Variants in NAV1 observed in about 807,000 individuals in gnomAD.
NAV1 encodes the protein neuron navigator 1, also known as pore membrane and/or filament interacting like protein 3.
NAV1 carries 18 observed loss-of-function variants against 175.2 expected under a neutral mutation model. The observed-to-expected ratio is 0.10, with a 90% CI of 0.07 to 0.15. The LOEUF is 0.15. Ranked by LOEUF, NAV1 falls within the 10% of genes least tolerant of loss-of-function variation. The pLI is 1.00. For missense variants in NAV1, 1,731 were observed against 2,436.6 expected (o/e 0.71, Z 6.10); for synonymous variants, 897 against 978.7 (o/e 0.92, Z 1.56).
At chr1:201,791,904 C>CA (rs1174616427) in intron 13 of NAV1, 2 of 152,116 alleles carry the variant, frequency 1.3e-5, no homozygotes, top group Non-Finnish European at 2.9e-5. Context: ...TCCCTTGTGC[C>CA]ACACCCACCA....
At chr1:201,754,239 G>C (rs1384438478) in intron 3 of NAV1, among the ~76,000 whole-genome samples, 1 of 152,134 alleles carries the variant, frequency 6.6e-6, no homozygotes, top group Admixed American at 6.6e-5. Flanking sequence ...GTTTGCCAAT[G>C]GGACAGGACT....
intron 2 of NAV1, among the ~76,000 whole-genome samples, chr1:201,599,432 T>G (rs549737702): frequency 4.5e-4 from 68 of 152,292 alleles, no homozygotes; most frequent in Non-Finnish European, 7.9e-4. Flanking sequence ...CATCCCTTTT[T>G]CCCAGATGCA....
intron 1 of NAV1, among the ~76,000 whole-genome samples, chr1:201,563,980 C>G (rs1666279652): frequency 6.6e-6 from 1 of 151,982 alleles, no homozygotes; most frequent in East Asian, 1.9e-4. Flanking sequence ...CCCTGTAGCC[C>G]TAACTACTCA....
intron 2 of NAV1, among the ~76,000 whole-genome samples, chr1:201,606,746 C>A (rs1424842427): frequency 6.6e-6 from 1 of 152,226 alleles, no homozygotes; most frequent in East Asian, 1.9e-4. Flanking sequence ...TCCAGCTTTG[C>A]TCCCCTACTT....
chr1:201,739,855 G>GC lies in NAV1; in HGVS notation c.1226+21103dup, dbSNP rs138177417. 130 of 1,275,208 alleles carry GC rather than the reference G, an allele frequency of 1.0e-4. No homozygotes were observed. The African/African-American group carries it at 1.7e-3, about 16-fold the overall frequency. 79.0% of individuals were successfully genotyped at this position (1,275,208 alleles called of 1,614,324 possible). On this transcript the variant is annotated intron_variant, in intron 3 of 29. Coordinates refer to ENST00000367296, the Ensembl canonical transcript of NAV1. ...AGTACAGCTGGAGCCGTAAGTACAA[G>GC]CCCTGGTGGTGGGGAGAAAAGGGAG...
At chr1:201,609,590 A>T (rs1667788922) in intron 2 of NAV1, among the ~76,000 whole-genome samples, 1 of 152,158 alleles carries the variant, frequency 6.6e-6, no homozygotes, top group Admixed American at 6.5e-5. Flanking sequence ...AAGTTTTAAG[A>T]TAGGGGAGAA....
intron 29 of NAV1, among the ~76,000 whole-genome samples, chr1:201,818,545 G>GAT (rs1180396503): frequency 6.9e-6 from 1 of 144,710 alleles, no homozygotes; most frequent in Non-Finnish European, 1.5e-5. Context: ...AAAAAAAAAA[G>GAT]ATATGAGTAG....
intron 1 of NAV1, among the ~76,000 whole-genome samples, chr1:201,565,257 A>T (rs908228830): frequency 5.9e-5 from 9 of 152,262 alleles, no homozygotes; most frequent in African/African-American, 2.2e-4. Context: ...AGCTACTGCT[A>T]TCATCATTAC....
At chr1:201,598,229 G>T (rs1667411732) in intron 2 of NAV1, among the ~76,000 whole-genome samples, 1 of 152,202 alleles carries the variant, frequency 6.6e-6, no homozygotes, top group Non-Finnish European at 1.5e-5. Flanking sequence ...AGGATGAATA[G>T]AAATTAGCTA....
chr1:201,556,292 T>C (rs1318195614), intron 1 of NAV1, among the ~76,000 whole-genome samples: 1 of 151,792 alleles, frequency 6.6e-6, no homozygotes, highest in African/African-American at 2.4e-5. Context: ...GTGGTGGGTG[T>C]CTGTAGTCCC....
chr1:201,573,906 A>G (rs1031864424), intron 1 of NAV1, among the ~76,000 whole-genome samples: 1 of 152,074 alleles, frequency 6.6e-6, no homozygotes, highest in Non-Finnish European at 1.5e-5. Context: ...AATTTTAAAA[A>G]TTAGCCAGGC....
chr1:201,663,127 C>A (rs1204413888), intron 1 of NAV1, among the ~76,000 whole-genome samples: 1 of 152,202 alleles, frequency 6.6e-6, no homozygotes. Flanking sequence ...AGACATCAGC[C>A]AATTCCCCCT....
chr1:201,679,111 G>C (rs569235114), intron 1 of NAV1, among the ~76,000 whole-genome samples: 206 of 152,292 alleles, frequency 1.4e-3, no homozygotes, highest in African/African-American at 4.7e-3. Context: ...TGACTGCAGC[G>C]GGGAGCCAAC....
At position 201,564,495 on chromosome 1, in the gene NAV1, G is replaced by C. The variant is rs181042567; in HGVS notation, c.-143-24044G>C. Reference sequence around the variant, plus strand: ...CTGGGTGTGGTGACACACACCTGTAGTCCCAGCTATTTGGGAGGCTGAGGC... The same window carrying C: ...CTGGGTGTGGTGACACACACCTGTACTCCCAGCTATTTGGGAGGCTGAGGC... On this transcript the variant is annotated intron_variant, in intron 1 of 33. Transcript: ENST00000685211. 7.9e-5 allele frequency among the ~76,000 whole-genome samples: 12 copies of C among 152,296 alleles called. No individual in the cohort carries two copies. The South Asian group carries it at 2.5e-3, about 32-fold the overall frequency.
chr1:201,702,726 C>G (rs1161613252), intron 1 of NAV1, among the ~76,000 whole-genome samples: 2 of 147,396 alleles, frequency 1.4e-5, no homozygotes, highest in East Asian at 2.0e-4. Context: ...CTCTCTCTCT[C>G]TCTCTCCCCA....
At chr1:201,565,618 C>G (rs1666332689) in intron 1 of NAV1, among the ~76,000 whole-genome samples, 1 of 152,222 alleles carries the variant, frequency 6.6e-6, no homozygotes, top group African/African-American at 2.4e-5. Context: ...GGAACTGAGC[C>G]CCCTCTGTGG....
At chr1:201,722,191 C>G (rs1672414753) in intron 3 of NAV1, among the ~76,000 whole-genome samples, 1 of 152,140 alleles carries the variant, frequency 6.6e-6, no homozygotes, top group South Asian at 2.1e-4. Flanking sequence ...TAACCATCAT[C>G]ACGTCCATCT....
chr1:201,821,996 C>T (rs1283151419), exon 30 of NAV1: 1 of 152,644 alleles, frequency 6.6e-6, no homozygotes, highest in Non-Finnish European at 1.5e-5. Context: ...GGAGTAGATG[C>T]ATCTGAATCT....
intron 28 of NAV1, among the ~76,000 whole-genome samples, chr1:201,814,696 C>A (rs1450985159): frequency 6.6e-6 from 1 of 151,690 alleles, no homozygotes; most frequent in Non-Finnish European, 1.5e-5. Context: ...AGTAGCTTTT[C>A]AATTTAAAAG....
Sources: gnomAD v4.1 joint callset for allele counts (sites outside exome capture counted in the v4.1 genomes callset) on GRCh38, gnomAD v4.1.1 for gene constraint, MANE v1.5 for transcripts, NCBI Gene and HGNC (gene_info 2026-07-23, HGNC 2026-07-21) for gene names.